The following CDH4 variants were observed in gnomAD, a reference collection of about 807,000 sequenced individuals.
CDH4 encodes the protein cadherin-4.
A neutral mutation model predicts 86.0 loss-of-function variants in CDH4; 33 were observed. That is an observed-to-expected ratio of 0.38 (90% CI 0.29 to 0.51). The LOEUF is 0.51. Ranked by LOEUF, CDH4 falls within the 20% of genes least tolerant of loss-of-function variation. The pLI is 0.86. For synonymous variants in CDH4, 555 were observed against 549.4 expected (o/e 1.01, Z -0.14); for missense variants, 1,114 against 1,307.4 (o/e 0.85, Z 2.28).
chr20:61,465,258 A>G (rs1428161297), intron 2 of CDH4, among the ~76,000 whole-genome samples: 1 of 152,208 alleles, frequency 6.6e-6, no homozygotes, highest in Non-Finnish European at 1.5e-5. Flanking sequence ...TTTTTAGCAT[A>G]GCATCCAGGA....
intron 2 of CDH4, among the ~76,000 whole-genome samples, chr20:61,289,746 G>T (rs1445339735): frequency 1.1e-5 from 1 of 91,526 alleles, no homozygotes; most frequent in African/African-American, 4.4e-5. Context: ...GACTTGCTGG[G>T]TTTATCCCCG....
intron 2 of CDH4, among the ~76,000 whole-genome samples, chr20:61,667,937 G>A (rs1600856543): frequency 6.6e-6 from 1 of 152,250 alleles, no homozygotes; most frequent in African/African-American, 2.4e-5. Flanking sequence ...GCATGTGGCT[G>A]TCAGGAGGGC....
intron 4 of CDH4, among the ~76,000 whole-genome samples, chr20:61,785,054 C>T (rs149594694): frequency 2.4e-3 from 358 of 152,334 alleles, no homozygotes; most frequent in African/African-American, 8.1e-3. Flanking sequence ...TGGGGGCTTC[C>T]TCCTGCTCCC....
At chr20:61,910,236 T>G (rs1038666419) in intron 8 of CDH4, among the ~76,000 whole-genome samples, 186 bp from the exon 9 acceptor site, 1 of 152,028 alleles carries the variant, frequency 6.6e-6, no homozygotes, top group South Asian at 2.1e-4. Flanking sequence ...ACACGTTGTG[T>G]TCTGTTTGTG....
In CDH4 at chr20:61,616,874, C is replaced by T. The variant is rs760404680; in HGVS notation, c.170-126689C>T. On this transcript the variant is annotated intron_variant, in intron 2 of 15. Coordinates refer to ENST00000614565, the MANE Select transcript of CDH4 (RefSeq NM_001794.5). ...AGCACGTAGACCTGGTCAGGGTCCC[C>T]GCTGCACATCCAGGGGTTCTTCCTG... 1.1e-4 allele frequency among the ~76,000 whole-genome samples: 17 copies of T among 152,258 alleles called. No individual in the cohort carries two copies. The South Asian group carries it at 2.1e-3, about 19-fold the overall frequency.
At chr20:61,834,694 A>G (rs954870545) in intron 4 of CDH4, among the ~76,000 whole-genome samples, 1 of 151,326 alleles carries the variant, frequency 6.6e-6, no homozygotes, top group Non-Finnish European at 1.5e-5. Flanking sequence ...GCTGCGCTAC[A>G]GGTTGACACT....
At chr20:61,686,767 A>G (rs936836093) in intron 2 of CDH4, among the ~76,000 whole-genome samples, 1 of 151,778 alleles carries the variant, frequency 6.6e-6, no homozygotes, top group African/African-American at 2.4e-5. Context: ...GTGCGTGTGC[A>G]TTCGCGCGTG....
At chr20:61,622,415 G>A (rs1363605912) in intron 2 of CDH4, among the ~76,000 whole-genome samples, 4 of 152,252 alleles carry the variant, frequency 2.6e-5, no homozygotes, top group Admixed American at 2.6e-4. Flanking sequence ...GGTGCAAGAA[G>A]TGAGACATTT....
chr20:61,697,015 G>A (rs2087721435), intron 2 of CDH4, among the ~76,000 whole-genome samples: 2 of 152,328 alleles, frequency 1.3e-5, no homozygotes, highest in South Asian at 4.1e-4. Context: ...GGGGCTGGAA[G>A]AGGCTGGAAG....
intron 2 of CDH4, among the ~76,000 whole-genome samples, chr20:61,565,237 TGGTGGCGGTGCTCTTGGTG>T (rs1568688627): frequency 0.027 from 1,745 of 65,450 alleles, 117 homozygotes; most frequent in Middle Eastern, 0.064. Context: ...GTGGTGGTGG[TGGTGGCGGTGCTCTTGGTG>T]ATGGTGGTGG....
intron 2 of CDH4, among the ~76,000 whole-genome samples, chr20:61,439,233 C>T (rs1402929469): frequency 1.4e-4 from 22 of 152,196 alleles, no homozygotes; most frequent in Admixed American, 1.4e-3. Flanking sequence ...TTGCGGTGTG[C>T]GTTTTGGTTG....
chr20:61,588,656 C>T (rs1600785880), intron 2 of CDH4, among the ~76,000 whole-genome samples: 1 of 152,188 alleles, frequency 6.6e-6, no homozygotes, highest in African/African-American at 2.4e-5. Context: ...GCCCGCTGCT[C>T]ACCATCCCCC....
chr20:61,661,084 C>CCGGG (rs796435717), intron 2 of CDH4, among the ~76,000 whole-genome samples: 2 of 74,798 alleles, frequency 2.7e-5, no homozygotes, highest in East Asian at 5.9e-4. Flanking sequence ...GGAGGCATGG[C>CCGGG]GGGGGGGGGG....
chr20:61,720,261 G>T (rs886241198), intron 2 of CDH4, among the ~76,000 whole-genome samples: 2 of 152,156 alleles, frequency 1.3e-5, no homozygotes, highest in Non-Finnish European at 2.9e-5. Flanking sequence ...GTTTAGTTCT[G>T]TGCTCTATGG....
At position 61,393,799 on chromosome 20, in the gene CDH4, C is replaced by T. The variant is rs2085000219; in HGVS notation, c.169+138862C>T. Among the ~76,000 whole-genome samples the T allele has an allele frequency of 6.6e-6, 1 of 152,042 alleles. No homozygotes were observed. The highest frequency in any genetic ancestry group is 2.1e-4 in the South Asian group (1 of 4,810). On this transcript the variant is annotated intron_variant, in intron 2 of 15. Coordinates refer to ENST00000614565, the MANE Select transcript of CDH4 (RefSeq NM_001794.5). This position sits in a 1 kb window ranked among gnomAD's most constrained non-coding sequence, Gnocchi z 4.3. ...TGCAGTGAACTCTTACACCCCAGGG[C>T]TCAGTGTGTGAGAGCTACTGCCACC...
At chr20:61,652,980 G>A (rs1253774219) in intron 2 of CDH4, among the ~76,000 whole-genome samples, 42 of 95,326 alleles carry the variant, frequency 4.4e-4, no homozygotes, top group African/African-American at 1.3e-3. Context: ...GGTGTTTCTC[G>A]CAGAGGGGGA....
chr20:61,300,859 C>T (rs1181422972), intron 2 of CDH4, among the ~76,000 whole-genome samples: 1 of 152,198 alleles, frequency 6.6e-6, no homozygotes, highest in Non-Finnish European at 1.5e-5. Context: ...AACAAACCCA[C>T]CTCCTCCTCC....
At chr20:61,755,367 A>C (rs1440752128) in intron 3 of CDH4, among the ~76,000 whole-genome samples, 3 of 141,846 alleles carry the variant, frequency 2.1e-5, no homozygotes, top group Non-Finnish European at 4.6e-5. Flanking sequence ...TGCCACACAC[A>C]CCACACACAC....
intron 2 of CDH4, among the ~76,000 whole-genome samples, chr20:61,331,618 G>GATCTACCTCCT (rs1568801064): frequency 0.011 from 1,081 of 98,098 alleles, no homozygotes; most frequent in African/African-American, 0.015. Flanking sequence ...ACCTGCCCCA[G>GATCTACCTCCT]GCCCACCTCC....
Sources: allele counts gnomAD v4.1 joint callset (sites outside exome capture counted in the v4.1 genomes callset), GRCh38; gene constraint gnomAD v4.1.1; non-coding constraint Gnocchi (gnomAD v3.1); transcripts MANE v1.5; gene names NCBI Gene and HGNC (gene_info 2026-07-23, HGNC 2026-07-21).